Variants in SRRM2 observed in about 807,000 individuals in gnomAD.
The protein encoded by SRRM2 is serine/arginine repetitive matrix protein 2.
A neutral mutation model predicts 213.8 loss-of-function variants in SRRM2; 30 were observed. The ratio of observed to expected loss-of-function variants is 0.14; its 90% CI spans 0.10 to 0.19. The LOEUF is 0.19. Among genes scored for constraint, SRRM2 ranks in the 10% least tolerant of loss-of-function variants. SRRM2 has a pLI of 1.00. For missense variants in SRRM2, 4,904 were observed against 3,647.0 expected, an observed-to-expected ratio of 1.34 and a Z score of -8.88; for synonymous variants, 2,025 against 1,377.7, an observed-to-expected ratio of 1.47 and a Z score of -10.40.
At chr16:2,753,732 TCA>T (rs1295128989) in intron 1 of SRRM2, 1 of 152,178 alleles carries the variant, frequency 6.6e-6, no homozygotes, top group East Asian at 1.9e-4. Flanking sequence ...GATCAGAATT[TCA>T]GAGTGTTGTG....
rs1410766645 is a variant in SRRM2 at position 2,769,056 on chromosome 16, C to T, written c.7793C>T (p.Pro2598Leu). Reference protein sequence around the residue: ...EAVREGRPPEPTPAKRKRRSS... With the variant: ...EAVREGRPPELTPAKRKRRSS... ...GTTCGAGAGGGACGTCCTCCGGAGC[C>T]AACCCCAGCCAAACGGAAGAGGCGC... The change falls in exon 12 of 15, where the codon CCA becomes CTA. Residue 2598 changes from proline to leucine, a missense_variant. Pro to Leu is a moderately conservative substitution (Grantham distance 98). Transcript: ENST00000301740. 6.2e-7 allele frequency: 1 copy of T among 1,614,034 alleles called. No homozygotes were observed. Among genetic ancestry groups the T allele is most frequent in the Admixed American group, 1.7e-5 (1 of 60,010 alleles).
intron 1 of SRRM2, among the ~76,000 whole-genome samples, chr16:2,753,184 C>T (rs979891244): frequency 2.0e-5 from 3 of 151,262 alleles, no homozygotes; most frequent in Non-Finnish European, 2.9e-5. Flanking sequence ...CTGCAGCTGC[C>T]GTTTTCGGCC....
chr16:2,765,309 G>T lies in SRRM2; in HGVS notation c.4781G>T (p.Arg1594Leu). ...GACAGCAAATCTCGACTATCCCCTC[G>T]GCGCAGTAGGTCTGGTTCCTCCCCT... ...EVDSKSRLSP[R>L]RSRSGSSPEV... The change falls in exon 11 of 15, where the codon CGG becomes CTG. Residue 1594 changes from arginine to leucine, a missense_variant. By Grantham distance (102) the Arg-to-Leu change is moderately radical. Transcript: ENST00000301740. 2.5e-6 allele frequency: 4 copies of T among 1,614,088 alleles called. No individual in the cohort carries two copies. Among genetic ancestry groups the T allele is most frequent in the South Asian group, 1.1e-5 (1 of 91,068 alleles).
chr16:2,764,101 A>C lies in SRRM2; in HGVS notation c.3573A>C (p.Pro1191=), dbSNP rs1455099679. Residue 1191 remains proline (P), a synonymous_variant, in exon 11 of 15, where the codon CCA becomes CCC. Coordinates refer to ENST00000301740, the MANE Select transcript of SRRM2 (RefSeq NM_016333.4). ...PRQKDKFSPF[P]VQDRPESSLV... ...AGAAAGACAAATTTAGTCCCTTTCC[A>C]GTACAGGATAGGCCTGAGTCTTCAC... The C allele has an allele frequency of 3.1e-6, 5 of 1,614,076 alleles. No individual in the cohort carries two copies. The highest frequency in any genetic ancestry group is 4.2e-6 in the Non-Finnish European group (5 of 1,180,046).
rs755293430 is a variant in SRRM2, at chr16:2,766,663, C to G, written c.6135C>G (p.Arg2045=). 8 of 1,613,124 alleles carry G rather than the reference C, an allele frequency of 5.0e-6. No homozygotes were observed. Among genetic ancestry groups the G allele is most frequent in the Non-Finnish European group, 6.8e-6 (8 of 1,179,706 alleles). ...PLLPRKRSRS[R]SPLAIRRRSR... is the part of the protein sequence containing the mutation. ...TACCACGCAAACGTTCTCGAAGTCG[C>G]TCACCACTTGCTATCCGCCGCCGCT... Residue 2045 remains arginine (R), a synonymous_variant, in exon 11 of 15, where the codon CGC becomes CGG. Transcript: ENST00000301740. The surrounding 1 kb of genome is among the most constrained non-coding windows in gnomAD (Gnocchi z 7.0).
rs1274938152 is a variant in SRRM2, at chr16:2,757,546, G to T, written c.317G>T (p.Gly106Val). The change falls in exon 3 of 15, where the codon GGG becomes GTG. Residue 106 changes from glycine (G) to valine (V), a missense_variant. Transcript: ENST00000301740. The stretch of plus-strand genomic sequence containing the variant: ...TTGCTGGAGAAGGATGTGAACCCTG[G>T]GGGCAAGGAGGAGACCCCAGGGCAG... ...LMLLEKDVNP[G>V]GKEETPGQRP... 7 of 1,613,926 alleles carry T rather than the reference G, an allele frequency of 4.3e-6. No individual in the cohort carries two copies. The East Asian group carries it at 1.6e-4, about 36-fold the overall frequency.
At chr16:2,753,031 G>A (rs1013707137) in intron 1 of SRRM2, among the ~76,000 whole-genome samples, 185 bp downstream of exon 1, 1 of 106,732 alleles carries the variant, frequency 9.4e-6, no homozygotes, top group Non-Finnish European at 1.9e-5. Context: ...TCGCGCGCGG[G>A]CTTCACCCCC....
chr16:2,754,117 C>T, intron 1 of SRRM2, among the ~76,000 whole-genome samples: 1 of 152,018 alleles, frequency 6.6e-6, no homozygotes, highest in East Asian at 1.9e-4. Flanking sequence ...TTTGTAATAT[C>T]GTTTGGTTTG....
At chr16:2,770,545 G>T in intron 13 of SRRM2, 59 bp from the exon 14 acceptor site, 1 of 1,553,374 alleles carries the variant, frequency 6.4e-7, no homozygotes, top group Non-Finnish European at 8.7e-7. Flanking sequence ...TTGCGGTTGT[G>T]GCTATGTGGT....
Position 2,765,581 on chromosome 16 carries a change from C to G in SRRM2, c.5053C>G (p.Pro1685Ala). The stretch of plus-strand genomic sequence containing the variant: ...AGAGCCCAAGACCAAGTCTCGTACA[C>G]CACCTCGACGTCGCAGCTCTCGATC... ...SPEPKTKSRT[P>A]PRRRSSRSSP... The change falls in exon 11 of 15, where the codon CCA (proline) becomes GCA (alanine). Residue 1685 changes from proline to alanine, a missense_variant. By Grantham distance (27) the Pro-to-Ala change is conservative (BLOSUM62 -1). Coordinates refer to ENST00000301740, the MANE Select transcript of SRRM2 (RefSeq NM_016333.4). 6.2e-7 allele frequency: 1 copy of G among 1,614,192 alleles called. No individual in the cohort carries two copies. Among genetic ancestry groups the G allele is most frequent in the South Asian group, 1.1e-5 (1 of 91,080 alleles).
At chr16:2,753,053 C>T (rs1416638636) in intron 1 of SRRM2, among the ~76,000 whole-genome samples, 1 of 150,492 alleles carries the variant, frequency 6.6e-6, no homozygotes, top group East Asian at 2.0e-4. Context: ...CCCGCCCCTC[C>T]CCCATGACAA....
At position 2,770,445 on chromosome 16, in the gene SRRM2, C is replaced by G. The variant is rs35899615; in HGVS notation, c.8115C>G (p.Pro2705=). The G allele has an allele frequency of 0.078, 125,703 of 1,607,922 alleles. 5,562 individuals are homozygous for G. Among genetic ancestry groups the G allele is most frequent in the Non-Finnish European group, 0.087 (102,470 of 1,177,178 alleles). ...PVERRRPSPQ[P]SPRDQQSSSS... ...AGCGTCGCCGTCCCTCGCCCCAGCC[C>G]TCACCACGGGACCAGCAGAGGTAAG... The change falls in exon 13 of 15, where the codon CCC becomes CCG. Residue 2705 remains proline (P), a synonymous_variant. Coordinates refer to ENST00000301740, the MANE Select transcript of SRRM2 (RefSeq NM_016333.4).
intron 10 of SRRM2, 186 bp downstream of exon 10, chr16:2,760,685 G>T (rs886160870): frequency 3.8e-5 from 24 of 624,200 alleles, no homozygotes; most frequent in Non-Finnish European, 6.6e-5. Context: ...ACTGAATTGT[G>T]AACCCTTTAG....
chr16:2,771,176 C>G lies in SRRM2; in HGVS notation c.*309C>G. ...GGAGTCAGGGCCAGGGAGGCATGGC[C>G]CCACTTGTATCCAGAAGTTCCCAGG... On this transcript the variant is annotated 3_prime_UTR_variant, in exon 15 of 15. Transcript: ENST00000301740. 1 of 626,594 alleles carries G rather than the reference C, an allele frequency of 1.6e-6. No individual in the cohort carries two copies. Among genetic ancestry groups the G allele is most frequent in the South Asian group, 1.9e-5 (1 of 51,670 alleles). 38.8% of individuals were successfully genotyped at this position (626,594 alleles called of 1,614,324 possible).
chr16:2,763,774 A>C lies in SRRM2; in HGVS notation c.3246A>C (p.Glu1082Asp). The change falls in exon 11 of 15, where the codon GAA becomes GAC. Residue 1082 changes from glutamate to aspartate, a missense_variant. By Grantham distance (45) the Glu-to-Asp change is conservative (BLOSUM62 2). Coordinates refer to ENST00000301740, the MANE Select transcript of SRRM2 (RefSeq NM_016333.4). ...CAGAAGTGAGACAGAGTCATTCAGAATCACCATCTCTGCAGAGCAAATCTC... is the reference window on the plus strand; with the variant it reads ...CAGAAGTGAGACAGAGTCATTCAGACTCACCATCTCTGCAGAGCAAATCTC... ...SSPEVRQSHS[E>D]SPSLQSKSQT... 2 of 1,614,212 alleles carry C rather than the reference A, an allele frequency of 1.2e-6. No homozygotes were observed. The highest frequency in any genetic ancestry group is 2.2e-5 in the South Asian group (2 of 91,086).
Position 2,763,042 on chromosome 16 carries a change from A to G in SRRM2, c.2514A>G (p.Ser838=), listed in dbSNP as rs749399055. Residue 838 remains serine, a synonymous_variant, in exon 11 of 15, where the codon TCA becomes TCG. Coordinates refer to ENST00000301740, the MANE Select transcript of SRRM2 (RefSeq NM_016333.4). ...CATCAAGACAAAGTCATTCCAGTTC[A>G]TCTCCTCATCCTAAAGTGAAATCTG... ...KTPSRQSHSS[S]SPHPKVKSGT... is the part of the protein sequence containing the mutation. 3.1e-6 allele frequency: 5 copies of G among 1,614,136 alleles called. No individual in the cohort carries two copies. The Admixed American group carries it at 6.7e-5, about 22-fold the overall frequency.
chr16:2,771,135 C>T lies in SRRM2; in HGVS notation c.*268C>T, dbSNP rs1188739091. The T allele has an allele frequency of 4.8e-6, 3 of 621,072 alleles. No individual in the cohort carries two copies. The South Asian group carries it at 5.9e-5, about 12-fold the overall frequency. The allele number at this position is 621,072 out of a possible 1,614,324, so 38.5% of individuals were successfully genotyped here. On this transcript the variant is annotated 3_prime_UTR_variant, in exon 15 of 15. Transcript: ENST00000301740. Reference sequence around the variant, plus strand: ...AGTTGGGGGAGGGGAGGATACAGTTCAGGATACCCCAGCCTGGAGTCAGGG... The same window carrying T: ...AGTTGGGGGAGGGGAGGATACAGTTTAGGATACCCCAGCCTGGAGTCAGGG...
intron 9 of SRRM2, chr16:2,759,989 T>A (rs2068282785): frequency 3.7e-6 from 2 of 534,898 alleles, no homozygotes; most frequent in Non-Finnish European, 3.3e-6. Context: ...GAAGGCTTCC[T>A]GAAGGAGGTG....
At chr16:2,768,511 G>A in intron 11 of SRRM2, 2 of 687,452 alleles carry the variant, frequency 2.9e-6, no homozygotes, top group Non-Finnish European at 5.3e-6. Context: ...ACAGAGGACA[G>A]AACTAGAGGA....
Sources: allele counts gnomAD v4.1 joint callset (sites outside exome capture counted in the v4.1 genomes callset), GRCh38; gene constraint gnomAD v4.1.1; non-coding constraint Gnocchi (gnomAD v3.1); transcripts MANE v1.5; gene names NCBI Gene and HGNC (gene_info 2026-07-23, HGNC 2026-07-21).